The following CLUH variants were observed in gnomAD, a reference collection of about 807,000 sequenced individuals.
CLUH encodes CLUH binding protein of NUMT mRNA.
A neutral mutation model predicts 139.3 loss-of-function variants in CLUH; 77 were observed. That is an observed-to-expected ratio of 0.55 (90% CI 0.46 to 0.67). CLUH has a LOEUF of 0.67. CLUH is among the 30% of genes least tolerant of loss of function. The probability of loss-of-function intolerance (pLI) is 0.00; values close to 1 mark genes in which losing one functional copy is unlikely to be tolerated. For missense variants in CLUH, 1,876 were observed against 1,875.8 expected (o/e 1.00, Z 0.00); for synonymous variants, 999 against 801.6 (o/e 1.25, Z -4.16).
In CLUH at chr17:2,696,239, A is replaced by G; in HGVS notation, c.2311T>C (p.Cys771Arg). The change falls in exon 13 of 26, where the codon TGC becomes CGC. Residue 771 changes from cysteine to arginine, a missense_variant. Physicochemically the swap from Cys to Arg is radical, Grantham distance 180 (BLOSUM62 -3). Transcript: ENST00000651024. ...TTCTGGTCCCGAACTTCATCCTGGC[A>G]GGACTCAGGGAAACGAACCCCTGGA... Reference protein sequence around the residue: ...FSPGVRFPESCQDEVRDQKQL... With the variant: ...FSPGVRFPESRQDEVRDQKQL... 1 of 1,575,028 alleles carries G rather than the reference A, an allele frequency of 6.3e-7. No individual in the cohort carries two copies.
chr17:2,696,322 GGCGGGGGAAGC>G, intron 12 of CLUH, 63 bp from the exon 13 acceptor site: 1 of 1,505,000 alleles, frequency 6.6e-7, no homozygotes, highest in South Asian at 1.2e-5. Context: ...GCCTGGCGCT[GGCGGGGGAAGC>G]GCTCAGATGG....
chr17:2,690,468 G>T lies in CLUH; in HGVS notation c.*126C>A. 1.2e-6 allele frequency: 1 copy of T among 816,296 alleles called. No homozygotes were observed. The allele number at this position is 816,296 out of a possible 1,614,324, so 50.6% of individuals were successfully genotyped here. On this transcript the variant is annotated 3_prime_UTR_variant, in exon 26 of 26. Transcript: ENST00000651024. ...CAGGCTCCCAGGAGGACACGGGGGTGGGGTGGGGTGAGACGTGGAGGAAGA... is the reference window on the plus strand; with the variant it reads ...CAGGCTCCCAGGAGGACACGGGGGTTGGGTGGGGTGAGACGTGGAGGAAGA...
At chr17:2,694,654 G>T in intron 16 of CLUH, 90 bp from the exon 17 acceptor site, 1 of 1,300,294 alleles carries the variant, frequency 7.7e-7, no homozygotes, top group Non-Finnish European at 1.0e-6. Flanking sequence ...TGTCCAGCCC[G>T]GGCCCCCAAC....
intron 25 of CLUH, among the ~76,000 whole-genome samples, chr17:2,691,132 C>G (rs545412138): frequency 0.79 from 109,615 of 138,824 alleles, 40,352 homozygotes; most frequent in South Asian, 0.91. Flanking sequence ...GCTCCTCAGC[C>G]CCCCCCCGCC....
Position 2,696,245 on chromosome 17 carries a change from C to T in CLUH, c.2305G>A (p.Glu769Lys), listed in dbSNP as rs2069936646. 6.4e-7 allele frequency: 1 copy of T among 1,573,748 alleles called. No homozygotes were observed. Among genetic ancestry groups the T allele is most frequent in the South Asian group, 1.2e-5 (1 of 85,540 alleles). The change falls in exon 13 of 26, where the codon GAG becomes AAG. Residue 769 changes from glutamate (E) to lysine (K), a missense_variant. This residue lies in a region of CLUH where 1,454 missense variants were observed against 1,384.4 expected (regional missense o/e 1.05). Coordinates refer to ENST00000651024, the MANE Select transcript of CLUH (RefSeq NM_001366661.1). Reference protein sequence around the residue: ...DIFSPGVRFPESCQDEVRDQK... With the variant: ...DIFSPGVRFPKSCQDEVRDQK... ...TCCCGAACTTCATCCTGGCAGGACT[C>T]AGGGAAACGAACCCCTGGAGGAGGG...
At chr17:2,690,894 G>T in intron 25 of CLUH, 117 bp from the exon 26 acceptor site, 1 of 763,960 alleles carries the variant, frequency 1.3e-6, no homozygotes, top group Non-Finnish European at 1.9e-6. Flanking sequence ...TGGGGAATGT[G>T]TGTGAACAAG....
rs943042370 is a variant in CLUH at position 2,698,294 on chromosome 17, C to T, written c.1563G>A (p.Thr521=). The T allele has an allele frequency of 5.3e-5, 85 of 1,612,004 alleles. No individual in the cohort carries two copies. Among genetic ancestry groups the T allele is most frequent in the Non-Finnish European group, 7.1e-5 (84 of 1,179,484 alleles). Residue 521 remains threonine, a synonymous_variant, in exon 10 of 26, where the codon ACG becomes ACA. Transcript: ENST00000651024. ...GGATGCCGGGGATGATGGACTGGGCCGTGACCCGGTAGCCGCGGTAATCCA... is the reference window on the plus strand; with the variant it reads ...GGATGCCGGGGATGATGGACTGGGCTGTGACCCGGTAGCCGCGGTAATCCA... ...VVVDYRGYRV[T]AQSIIPGILE... is the part of the protein sequence containing the mutation.
In CLUH at chr17:2,695,487, C is replaced by T. The variant is rs1167621804; in HGVS notation, c.2431G>A (p.Gly811Arg). 6.2e-7 allele frequency: 1 copy of T among 1,608,892 alleles called. No homozygotes were observed. The highest frequency in any genetic ancestry group is 8.5e-7 in the Non-Finnish European group (1 of 1,179,722). ...CMEHAVLPVDGATLAEVMRQR... is the reference protein window; with the variant it reads ...CMEHAVLPVDRATLAEVMRQR... Reference sequence around the variant, plus strand: ...CGCATCACCTCTGCCAGCGTTGCCCCGTCCACGGGCAGGACCGCGTGCTCC... The same window carrying T: ...CGCATCACCTCTGCCAGCGTTGCCCTGTCCACGGGCAGGACCGCGTGCTCC... Residue 811 changes from glycine (G) to arginine (R), a missense_variant, in exon 14 of 26, where the codon GGG (glycine) becomes AGG (arginine). By Grantham distance (125) the Gly-to-Arg change is moderately radical. Transcript: ENST00000651024.
rs373251471 is a variant in CLUH, at chr17:2,694,558, G to A, written c.2859C>T (p.Thr953=). The change falls in exon 17 of 26, where the codon ACC becomes ACT. Residue 953 remains threonine, a synonymous_variant. Transcript: ENST00000651024. ...CGTAGGTCTCCACAGCCTGGTCCAC[G>A]GTCTCACTGAGGAGGGAGCAGGGGG... The part of the protein sequence containing the change: ...NYFDFDLECE[T]VDQAVETYGL... The A allele has an allele frequency of 6.5e-5, 102 of 1,575,560 alleles. 1 individual carries two copies. Among genetic ancestry groups the A allele is most frequent in the Non-Finnish European group, 8.4e-5 (98 of 1,160,916 alleles).
chr17:2,701,831 AGGCCCCTC>A, intron 4 of CLUH, 75 bp downstream of exon 4: 1 of 1,587,952 alleles, frequency 6.3e-7, no homozygotes, highest in East Asian at 2.2e-5. Flanking sequence ...CCTCAGGCCC[AGGCCCCTC>A]GGCCCCTTCT....
chr17:2,695,121 C>G lies in CLUH; in HGVS notation c.2608-20G>C. The G allele has an allele frequency of 6.2e-7, 1 of 1,612,302 alleles. No homozygotes were observed. The highest frequency in any genetic ancestry group is 1.1e-5 in the South Asian group (1 of 90,974). ...GACTCCCTGCGAGGCAGGTTGGATC[C>G]GAGTCATGAGGGCCCTCAGCCCCAC... On this transcript the variant is annotated intron_variant, in intron 15 of 25. Coordinates refer to ENST00000651024, the MANE Select transcript of CLUH (RefSeq NM_001366661.1).
chr17:2,698,704 C>A, intron 9 of CLUH, 114 bp from the exon 10 acceptor site: 1 of 973,804 alleles, frequency 1.0e-6, no homozygotes, highest in Non-Finnish European at 1.5e-6. Flanking sequence ...CTTGGAAACC[C>A]AAGGACCCGG....
rs1423560159 is a variant in CLUH at position 2,692,866 on chromosome 17, G to GA, written c.3232-7dup. 1.9e-6 allele frequency: 3 copies of GA among 1,584,884 alleles called. No individual in the cohort carries two copies. Among genetic ancestry groups the GA allele is most frequent in the African/African-American group, 1.3e-5 (1 of 74,226 alleles). On this transcript the variant is annotated splice_region_variant and splice_polypyrimidine_tract_variant and intron_variant, in intron 19 of 25. Coordinates refer to ENST00000651024, the MANE Select transcript of CLUH (RefSeq NM_001366661.1). ...TTCTGCTGGTTACTCAGGGCCTGGG[G>GA]AGAGACAGTGGTGGTTGCCGCGGCG...
At chr17:2,699,759 G>A (rs1270220378) in intron 9 of CLUH, among the ~76,000 whole-genome samples, 1 of 152,044 alleles carries the variant, frequency 6.6e-6, no homozygotes, top group Non-Finnish European at 1.5e-5. Context: ...AGACTCCCGA[G>A]TAGCTGGGAC....
rs1377657195 is a variant in CLUH at position 2,692,640 on chromosome 17, C to T, written c.3369G>A (p.Leu1123=). The change falls in exon 21 of 26, where the codon CTG becomes CTA. Residue 1123 remains leucine (L), a synonymous_variant. Coordinates refer to ENST00000651024, the MANE Select transcript of CLUH (RefSeq NM_001366661.1). ...GCATGAGGTAGCGGGCGCGGTACAGCAGGCTCAGGGCGGTGGACAGCTGGC... is the reference window on the plus strand; with the variant it reads ...GCATGAGGTAGCGGGCGCGGTACAGTAGGCTCAGGGCGGTGGACAGCTGGC... ...ASSQLSTALS[L]LYRARYLMLL... is the part of the protein sequence containing the mutation. The T allele has an allele frequency of 6.2e-7, 1 of 1,612,818 alleles. No individual in the cohort carries two copies. Among genetic ancestry groups the T allele is most frequent in the East Asian group, 2.2e-5 (1 of 44,866 alleles).
In CLUH at chr17:2,692,870, G is replaced by T; in HGVS notation, c.3232-10C>A. On this transcript the variant is annotated splice_polypyrimidine_tract_variant and intron_variant, in intron 19 of 25. Coordinates refer to ENST00000651024, the MANE Select transcript of CLUH (RefSeq NM_001366661.1). ...GCTGGTTACTCAGGGCCTGGGGAGA[G>T]ACAGTGGTGGTTGCCGCGGCGTGGG... 6.3e-7 allele frequency: 1 copy of T among 1,575,036 alleles called. No homozygotes were observed.
chr17:2,699,171 A>G (rs1028996618), intron 9 of CLUH, among the ~76,000 whole-genome samples: 1 of 146,418 alleles, frequency 6.8e-6, no homozygotes, highest in African/African-American at 2.5e-5. Flanking sequence ...GTGCCAGGTG[A>G]ACTTGAACAG....
chr17:2,704,636 C>T lies in CLUH; in HGVS notation c.101-72G>A, dbSNP rs1011957624. ...GCGGGGCTGTCCGCCTGACCCCACACGGGGACACGTGCCTTCTGGAAAGGC... is the reference window on the plus strand; with the variant it reads ...GCGGGGCTGTCCGCCTGACCCCACATGGGGACACGTGCCTTCTGGAAAGGC... On this transcript the variant is annotated intron_variant, in intron 1 of 25. Transcript: ENST00000651024. This position sits in a 1 kb window ranked among gnomAD's most constrained non-coding sequence, Gnocchi z 5.7. 44 of 1,395,682 alleles carry T rather than the reference C, an allele frequency of 3.2e-5. No homozygotes were observed. Among genetic ancestry groups the T allele is most frequent in the Admixed American group, 2.2e-4 (10 of 45,044 alleles). 86.5% of individuals were successfully genotyped at this position (1,395,682 alleles called of 1,614,324 possible). A position where few individuals can be genotyped will look rare whatever the true frequency, so the allele number is the denominator to read the frequency against.
intron 1 of CLUH, among the ~76,000 whole-genome samples, chr17:2,708,866 G>C (rs931139708): frequency 5.9e-4 from 47 of 80,168 alleles, no homozygotes; most frequent in East Asian, 1.4e-3. Context: ...TACTCGGGGG[G>C]GGGGGAGCAG....
Sources: allele counts gnomAD v4.1 joint callset (sites outside exome capture counted in the v4.1 genomes callset), GRCh38; gene constraint gnomAD v4.1.1; regional missense constraint gnomAD v4.1.1; non-coding constraint Gnocchi (gnomAD v3.1); transcripts MANE v1.5; gene names NCBI Gene and HGNC (gene_info 2026-07-23, HGNC 2026-07-21).